MSH6: variants seen among roughly 807,000 people sequenced by gnomAD.
MSH6 encodes DNA mismatch repair protein Msh6.
MSH6 carries 85 observed loss-of-function variants against 119.1 expected under a neutral mutation model. The observed-to-expected ratio is 0.71, with a 90% CI of 0.60 to 0.85. The LOEUF (loss-of-function observed/expected upper bound fraction) is 0.85. Ranked by LOEUF, MSH6 falls within the 40% of genes least tolerant of loss-of-function variation. MSH6 has a pLI of 0.00. For synonymous variants in MSH6, 830 were observed against 586.9 expected, an observed-to-expected ratio of 1.41 and a Z score of -5.99; for missense variants, 2,163 against 1,655.3, an observed-to-expected ratio of 1.31 and a Z score of -5.32.
At position 47,783,273 on chromosome 2, in the gene MSH6, T is replaced by G. The variant is rs876660417; in HGVS notation, c.40T>G (p.Ser14Ala). 3 of 1,612,008 alleles carry G rather than the reference T, an allele frequency of 1.9e-6. No homozygotes were observed. Among genetic ancestry groups the G allele is most frequent in the Non-Finnish European group, 8.5e-7 (1 of 1,179,582 alleles). ...QSTLYSFFPK[S>A]PALSDANKAS... ...CACCCTGTACAGCTTCTTCCCCAAG[T>G]CTCCGGCGCTGAGTGATGCCAACAA... The change falls in exon 1 of 10, where the codon TCT (serine) becomes GCT (alanine). Residue 14 changes from serine to alanine, a missense_variant. Physicochemically the swap from Ser to Ala is moderately conservative, Grantham distance 99. Coordinates refer to ENST00000234420, the MANE Select transcript of MSH6 (RefSeq NM_000179.3).
intron 6 of MSH6, among the ~76,000 whole-genome samples, chr2:47,805,361 A>G (rs1056174359): frequency 2.6e-5 from 4 of 152,006 alleles, no homozygotes; most frequent in African/African-American, 9.7e-5. Context: ...TTGTATTTTT[A>G]GTAGAAGCGG....
chr2:47,795,467 T>A (rs1410458219), intron 2 of MSH6, among the ~76,000 whole-genome samples: 3 of 145,856 alleles, frequency 2.1e-5, no homozygotes, highest in African/African-American at 7.4e-5. Flanking sequence ...TATACATTTT[T>A]TTTTTTTTTT....
chr2:47,789,017 C>T (rs1427695160), intron 1 of MSH6, among the ~76,000 whole-genome samples: 1 of 139,758 alleles, frequency 7.2e-6, no homozygotes, highest in African/African-American at 2.7e-5. Context: ...CCTCTGCTGC[C>T]CGGGTTCAAG....
Position 47,805,744 on chromosome 2 carries a change from CT to C in MSH6, c.3646+39del, listed in dbSNP as rs745969841. The C allele has an allele frequency of 3.1e-6, 4 of 1,298,584 alleles. No individual in the cohort carries two copies. The African/African-American group carries it at 6.3e-5, about 20-fold the overall frequency. The allele number at this position is 1,298,584 out of a possible 1,614,324, so 80.4% of individuals were successfully genotyped here. A position where few individuals can be genotyped will look rare whatever the true frequency, so the allele number is the denominator to read the frequency against. ...AACTTCTCATTTGAAGACTATCTAT[CT>C]TAAAAACATTTGTACAAATAACTAT... On this transcript the variant is annotated intron_variant, in intron 7 of 9. Coordinates refer to ENST00000234420, the MANE Select transcript of MSH6 (RefSeq NM_000179.3).
At chr2:47,806,955 CA>C, downstream of MSH6, 1 of 951,236 alleles carries the variant, frequency 1.1e-6, no homozygotes, top group East Asian at 2.6e-5. Context: ...TAAAAATGAC[CA>C]TTTTTCCATT....
Position 47,806,461 on chromosome 2 carries a change from G to C in MSH6, c.3811G>C (p.Val1271Leu), listed in dbSNP as rs770929545. Residue 1271 changes from valine (V) to leucine (L), a missense_variant, in exon 9 of 10, where the codon GTA becomes CTA. Transcript: ENST00000234420. ...ATTTTTCTTTCTTAAGGCATGCATGGTAGAAAATGAATGTGAAGACCCCAG... is the reference window on the plus strand; with the variant it reads ...ATTTTTCTTTCTTAAGGCATGCATGCTAGAAAATGAATGTGAAGACCCCAG... ...AVRLGHMACM[V>L]ENECEDPSQE... is the part of the protein sequence containing the mutation. 6.2e-7 allele frequency: 1 copy of C among 1,613,992 alleles called. No individual in the cohort carries two copies. The highest frequency in any genetic ancestry group is 8.5e-7 in the Non-Finnish European group (1 of 1,179,960).
intron 3 of MSH6, 66 bp downstream of exon 3, chr2:47,796,129 G>A (rs1669075999): frequency 1.3e-6 from 2 of 1,516,868 alleles, no homozygotes; most frequent in Admixed American, 3.3e-5. Flanking sequence ...GGGGGAGGGT[G>A]TATTAACAAG....
In MSH6 at chr2:47,803,479, G is replaced by C. The variant is rs587779932; in HGVS notation, c.3232G>C (p.Val1078Leu). 18 of 1,613,974 alleles carry C rather than the reference G, an allele frequency of 1.1e-5. No homozygotes were observed. Among genetic ancestry groups the C allele is most frequent in the Non-Finnish European group, 1.5e-5 (18 of 1,180,038 alleles). ...RGGDGPMCRP[V>L]ILLPEDTPPF... ...GGGTGATGGTCCTATGTGTCGCCCA[G>C]TAATTCTGTTGCCGGAAGATACCCC... Residue 1078 changes from valine (V) to leucine (L), a missense_variant, in exon 5 of 10, where the codon GTA becomes CTA. Physicochemically the swap from Val to Leu is conservative, Grantham distance 32. Transcript: ENST00000234420.
chr2:47,803,820 C>G (rs1335844302), intron 5 of MSH6, 135 bp downstream of exon 5: 1 of 905,334 alleles, frequency 1.1e-6, no homozygotes, highest in African/African-American at 1.7e-5. Flanking sequence ...GGAAATTACT[C>G]CCTGTGTTAT....
intron 4 of MSH6, among the ~76,000 whole-genome samples, chr2:47,802,635 G>GTTTT (rs527836963): frequency 3.5e-5 from 4 of 115,908 alleles, no homozygotes; most frequent in Non-Finnish European, 3.7e-5. Flanking sequence ...GCCCAGCCCT[G>GTTTT]TTTTTTTTTT....
At chr2:47,809,479 AATCT>A (rs1431032928), downstream of MSH6, 402 of 779,362 alleles carry the variant, frequency 5.2e-4, 7 homozygotes, top group East Asian at 0.01. Flanking sequence ...TTTCTTTCAA[AATCT>A]ATCTTAAACT....
intron 1 of MSH6, among the ~76,000 whole-genome samples, chr2:47,786,739 T>G (rs1668375422): frequency 6.6e-6 from 1 of 152,188 alleles, no homozygotes; most frequent in South Asian, 2.1e-4. Context: ...TCCTAGTTCT[T>G]TGTCATTTGT....
rs529808397 is a variant in MSH6, at chr2:47,790,115, C to T, written c.261-812C>T. 3.9e-5 allele frequency among the ~76,000 whole-genome samples: 6 copies of T among 152,252 alleles called. No homozygotes were observed. In the South Asian group the frequency reaches 1.2e-3, roughly 32 times the overall value. ...TTTGGAATACAACTAGAATGCTTAA[C>T]TTGTATGTTAAAAATACTTTATTTG... On this transcript the variant is annotated intron_variant, in intron 1 of 9. Coordinates refer to ENST00000234420, the MANE Select transcript of MSH6 (RefSeq NM_000179.3).
downstream of MSH6, chr2:47,807,848 T>C (rs3136371): frequency 3.5e-3 from 1,108 of 318,108 alleles, 6 homozygotes; most frequent in African/African-American, 0.022. Flanking sequence ...CAGAAGTTGG[T>C]ATCTGTACAA....
chr2:47,807,382 C>A, downstream of MSH6: 1 of 208,838 alleles, frequency 4.8e-6, no homozygotes, highest in Non-Finnish European at 9.8e-6. Flanking sequence ...TTAAAACACT[C>A]ACTTTTTCTA....
intron 2 of MSH6, among the ~76,000 whole-genome samples, chr2:47,795,414 G>A (rs1007088590): frequency 7.1e-6 from 1 of 140,602 alleles, no homozygotes; most frequent in Non-Finnish European, 1.5e-5. Context: ...CAGCCAACAA[G>A]TTATTTTATG....
intron 7 of MSH6, 123 bp from the exon 8 acceptor site, chr2:47,806,081 A>G: frequency 1.1e-6 from 1 of 937,078 alleles, no homozygotes; most frequent in East Asian, 2.6e-5. Flanking sequence ...GCCTATTTAT[A>G]GAATGCTTTT....
chr2:47,790,567 C>T (rs978554560), intron 1 of MSH6, among the ~76,000 whole-genome samples: 3 of 152,116 alleles, frequency 2.0e-5, no homozygotes, highest in Non-Finnish European at 2.9e-5. Flanking sequence ...CTGATATGTA[C>T]ATACCATATT....
intron 1 of MSH6, among the ~76,000 whole-genome samples, 184 bp from the exon 2 acceptor site, chr2:47,790,743 C>T (rs1007531476): frequency 6.6e-6 from 1 of 152,164 alleles, no homozygotes; most frequent in African/African-American, 2.4e-5. Context: ...GTTAAATATG[C>T]ATTATGATAT....
Sources: gnomAD v4.1 joint callset for allele counts (sites outside exome capture counted in the v4.1 genomes callset) on GRCh38, gnomAD v4.1.1 for gene constraint, MANE v1.5 for transcripts, NCBI Gene and HGNC (gene_info 2026-07-23, HGNC 2026-07-21) for gene names.